The following EYS variants were observed in gnomAD, a reference collection of about 807,000 sequenced individuals.
EYS encodes the protein EGF-like photoreceptor maintenance factor.
Under a neutral mutation model 282.1 loss-of-function variants are expected in EYS, and 250 were observed. That is an observed-to-expected ratio of 0.89 (90% CI 0.80 to 0.98). The LOEUF is 0.98. EYS is among the 50% of genes least tolerant of loss of function. The pLI is 0.00. For synonymous variants in EYS, 1,355 were observed against 1,282.9 expected (o/e 1.06, Z -1.20); for missense variants, 4,016 against 3,709.0 (o/e 1.08, Z -2.15).
chr6:65,362,473 G>A (rs1053113635), intron 8 of EYS, among the ~76,000 whole-genome samples: 8 of 151,858 alleles, frequency 5.3e-5, no homozygotes, highest in Middle Eastern at 3.2e-3. Flanking sequence ...TTATGTGCAT[G>A]TGTATATATA....
intron 7 of EYS, among the ~76,000 whole-genome samples, chr6:65,391,605 A>G (rs1170357851): frequency 3.3e-5 from 5 of 152,126 alleles, no homozygotes; most frequent in Admixed American, 2.0e-4. Flanking sequence ...TAGGATTCCA[A>G]CTTACAAGGG....
At chr6:65,664,440 A>T (rs2149828112) in intron 1 of EYS, among the ~76,000 whole-genome samples, 1 of 152,306 alleles carries the variant, frequency 6.6e-6, no homozygotes, top group South Asian at 2.1e-4. Flanking sequence ...TACAGCTGTG[A>T]ATATTTTAAT....
intron 35 of EYS, among the ~76,000 whole-genome samples, chr6:63,951,138 G>C (rs2149765617): frequency 6.6e-6 from 1 of 151,940 alleles, no homozygotes; most frequent in South Asian, 2.1e-4. Flanking sequence ...TTCACTATAG[G>C]CAACCTTCCA....
intron 8 of EYS, among the ~76,000 whole-genome samples, chr6:65,369,305 TAA>T (rs1491173624): frequency 0.071 from 4,940 of 69,972 alleles, 153 homozygotes; most frequent in South Asian, 0.21. Flanking sequence ...TATTTATGTA[TAA>T]TATATATATT....
At chr6:64,201,742 C>A (rs1266662611) in intron 31 of EYS, among the ~76,000 whole-genome samples, 3 of 152,134 alleles carry the variant, frequency 2.0e-5, no homozygotes, top group Non-Finnish European at 4.4e-5. Context: ...AAAACTTCTG[C>A]ATCTCAGAAG....
chr6:64,412,775 T>A (rs1773943229), intron 28 of EYS: 1 of 152,240 alleles, frequency 6.6e-6, no homozygotes, highest in Non-Finnish European at 1.5e-5. Context: ...ATCAGACATG[T>A]GCAATTATCT....
intron 36 of EYS, among the ~76,000 whole-genome samples, chr6:63,809,454 A>AT (rs968695352): frequency 1.9e-4 from 29 of 152,056 alleles, no homozygotes; most frequent in Non-Finnish European, 3.4e-4. Flanking sequence ...AAATGTATAT[A>AT]TTTTTTTAAT....
intron 12 of EYS, among the ~76,000 whole-genome samples, chr6:65,110,517 A>G (rs551858297): frequency 1.3e-5 from 2 of 152,250 alleles, no homozygotes; most frequent in Admixed American, 6.5e-5. Flanking sequence ...TTGAAAAATG[A>G]CAAGATGTTT....
chr6:65,546,321 AT>A (rs111400363), intron 2 of EYS, among the ~76,000 whole-genome samples: 109,458 of 148,084 alleles, frequency 0.74, 40,863 homozygotes, highest in African/African-American at 0.86. Flanking sequence ...TCAGCCTATA[AT>A]TTTTTTTTTT....
chr6:64,298,591 CA>C (rs1482713320), intron 30 of EYS, among the ~76,000 whole-genome samples: 1 of 151,602 alleles, frequency 6.6e-6, no homozygotes, highest in Non-Finnish European at 1.5e-5. Flanking sequence ...AAACTAAACA[CA>C]AAAAGATGGT....
intron 7 of EYS, among the ~76,000 whole-genome samples, chr6:65,398,225 C>T (rs1766362524): frequency 6.6e-6 from 1 of 151,682 alleles, no homozygotes; most frequent in African/African-American, 2.4e-5. Flanking sequence ...ACTCTGGTGA[C>T]TTAAAATTAT....
At chr6:64,474,083 A>C (rs1228076749) in intron 26 of EYS, among the ~76,000 whole-genome samples, 1 of 151,960 alleles carries the variant, frequency 6.6e-6, no homozygotes, top group Non-Finnish European at 1.5e-5. Context: ...GATCATCTGA[A>C]CCTTCCCTCC....
At chr6:64,228,444 C>G (rs922366829) in intron 31 of EYS, among the ~76,000 whole-genome samples, 2 of 151,762 alleles carry the variant, frequency 1.3e-5, no homozygotes, top group African/African-American at 4.8e-5. Flanking sequence ...TATCATGTGC[C>G]TCAGTATTAA....
intron 29 of EYS, among the ~76,000 whole-genome samples, chr6:64,341,832 T>A (rs756702454): frequency 1.3e-5 from 2 of 151,554 alleles, no homozygotes; most frequent in Admixed American, 6.6e-5. Context: ...TCCATAGAAC[T>A]CAATCTGCAA....
At chr6:65,476,274 C>T (rs1322683661) in intron 5 of EYS, among the ~76,000 whole-genome samples, 1 of 151,968 alleles carries the variant, frequency 6.6e-6, no homozygotes, top group Non-Finnish European at 1.5e-5. Flanking sequence ...TTCAATTATA[C>T]CCTGCTATCA....
At chr6:65,088,480 G>C (rs779995842) in intron 12 of EYS, among the ~76,000 whole-genome samples, 2 of 152,166 alleles carry the variant, frequency 1.3e-5, no homozygotes, top group Non-Finnish European at 2.9e-5. Flanking sequence ...CAAAGTTCCT[G>C]ATGGCATTTT....
At chr6:65,349,851 T>C (rs1456053703) in intron 9 of EYS, among the ~76,000 whole-genome samples, 1 of 151,656 alleles carries the variant, frequency 6.6e-6, no homozygotes, top group Admixed American at 6.6e-5. Flanking sequence ...TCTTTCAGAT[T>C]ATGTATGCAT....
chr6:65,057,839 C>G (rs1212898637), intron 12 of EYS, 112 bp from the exon 13 acceptor site: 1 of 698,566 alleles, frequency 1.4e-6, no homozygotes, highest in Non-Finnish European at 2.5e-6. Flanking sequence ...CATCTGAAAC[C>G]AAATTTATTA....
chr6:63,733,303 T>C (rs1768825666), intron 41 of EYS, among the ~76,000 whole-genome samples: 1 of 152,148 alleles, frequency 6.6e-6, no homozygotes, highest in African/African-American at 2.4e-5. Context: ...ACTTGTATTT[T>C]AGGTCCAAGG....
Sources: gnomAD v4.1 joint callset for allele counts (sites outside exome capture counted in the v4.1 genomes callset) on GRCh38, gnomAD v4.1.1 for gene constraint, MANE v1.5 for transcripts, NCBI Gene and HGNC (gene_info 2026-07-23, HGNC 2026-07-21) for gene names.